POFUT1: variants seen among roughly 807,000 people sequenced by gnomAD.
The protein encoded by POFUT1 is GDP-fucose protein O-fucosyltransferase 1.
In POFUT1, 16 loss-of-function variants were observed where a neutral mutation model predicts 42.4. The ratio of observed to expected loss-of-function variants is 0.38; its 90% CI spans 0.26 to 0.57. The LOEUF is 0.57. POFUT1 is among the 20% of genes least tolerant of loss of function. The pLI is 0.71. For missense variants in POFUT1, 470 were observed against 504.6 expected (o/e 0.93, Z 0.66); for synonymous variants, 206 against 205.4 (o/e 1.00, Z -0.03).
At chr20:32,225,087 A>G (rs1389884209) in intron 4 of POFUT1, among the ~76,000 whole-genome samples, 4 of 152,346 alleles carry the variant, frequency 2.6e-5, no homozygotes, top group South Asian at 4.1e-4. Flanking sequence ...CTATAAATGG[A>G]TATATTAATT....
intron 4 of POFUT1, among the ~76,000 whole-genome samples, chr20:32,225,468 T>C (rs1170356950): frequency 1.3e-5 from 2 of 151,572 alleles, no homozygotes; most frequent in Non-Finnish European, 2.9e-5. Flanking sequence ...ATTACAGGCG[T>C]GAGCCACCGC....
intron 1 of POFUT1, 133 bp downstream of exon 1, chr20:32,208,198 C>A: frequency 1.1e-6 from 1 of 902,280 alleles, no homozygotes; most frequent in Non-Finnish European, 1.7e-6. Context: ...GCATGCTCTT[C>A]TCCTCTCTGC....
intron 4 of POFUT1, chr20:32,216,955 A>G: frequency 1.9e-6 from 3 of 1,607,500 alleles, no homozygotes; most frequent in Non-Finnish European, 2.5e-6. Context: ...TTGATAAGGG[A>G]TGTCATAAAA....
At chr20:32,210,287 C>T (rs969355918) in intron 2 of POFUT1, 95 bp downstream of exon 2, 79 of 1,286,988 alleles carry the variant, frequency 6.1e-5, no homozygotes, top group Non-Finnish European at 8.8e-5. Flanking sequence ...TTACCTCCCA[C>T]TCCTCTGAGA....
intron 4 of POFUT1, chr20:32,217,087 A>G: frequency 6.2e-7 from 1 of 1,610,742 alleles, no homozygotes; most frequent in Non-Finnish European, 8.5e-7. Flanking sequence ...CTTCAGGTGC[A>G]GACCGAGAAA....
intron 2 of POFUT1, among the ~76,000 whole-genome samples, chr20:32,212,005 C>T (rs1374337771): frequency 6.6e-6 from 1 of 152,172 alleles, no homozygotes; most frequent in Non-Finnish European, 1.5e-5. Context: ...CAGATGTTAT[C>T]TAGATTCTGT....
chr20:32,224,032 A>G (rs887272929), intron 4 of POFUT1, among the ~76,000 whole-genome samples: 3 of 152,182 alleles, frequency 2.0e-5, no homozygotes, highest in Non-Finnish European at 4.4e-5. Context: ...TACACAAACA[A>G]TTGGAGCATT....
At chr20:32,208,100 A>G in intron 1 of POFUT1, 35 bp downstream of exon 1, 1 of 1,531,564 alleles carries the variant, frequency 6.5e-7, no homozygotes, top group Non-Finnish European at 8.7e-7. Context: ...CAGATGGAGA[A>G]ACTGAGGCCG....
In POFUT1 at chr20:32,231,057, G is replaced by T; in HGVS notation, c.974G>T (p.Gly325Val). ...CCTGAGCTCCAACAGCTCTTCAAAG[G>T]GAAGGTATGTGTGGGCCAAGTGGGA... ...YVPELQQLFK[G>V]KVKVVSLKPE... Residue 325 changes from glycine to valine, a missense_variant, in exon 6 of 7, where the codon GGG becomes GTG. Gly to Val is a moderately radical substitution (Grantham distance 109, BLOSUM62 -3). Transcript: ENST00000375749. The T allele has an allele frequency of 6.2e-7, 1 of 1,614,172 alleles. No individual in the cohort carries two copies. Among genetic ancestry groups the T allele is most frequent in the Non-Finnish European group, 8.5e-7 (1 of 1,180,040 alleles).
At chr20:32,227,925 A>C (rs1440410000) in intron 4 of POFUT1, among the ~76,000 whole-genome samples, 1 of 152,120 alleles carries the variant, frequency 6.6e-6, no homozygotes, top group East Asian at 1.9e-4. Context: ...TGGTCCAGAC[A>C]CCCCACCCTG....
At chr20:32,226,754 A>G (rs1458298446) in intron 4 of POFUT1, among the ~76,000 whole-genome samples, 1 of 152,146 alleles carries the variant, frequency 6.6e-6, no homozygotes, top group African/African-American at 2.4e-5. Flanking sequence ...ACATCATCCA[A>G]ATTGTTGCCT....
At chr20:32,214,860 G>A (rs2047350244) in intron 2 of POFUT1, among the ~76,000 whole-genome samples, 1 of 152,078 alleles carries the variant, frequency 6.6e-6, no homozygotes, top group Admixed American at 6.6e-5. Flanking sequence ...TAATTGTCAT[G>A]TAGTCTGAAC....
At chr20:32,234,058 C>T (rs1027433204) in intron 6 of POFUT1, among the ~76,000 whole-genome samples, 1 of 152,218 alleles carries the variant, frequency 6.6e-6, no homozygotes, top group Admixed American at 6.5e-5. Flanking sequence ...GTGGTGCACA[C>T]TTGTAGTCCC....
At position 32,237,818 on chromosome 20, in the gene POFUT1, C is replaced by T. The variant is rs369204612; in HGVS notation, c.*3157C>T. 1.2e-4 allele frequency: 63 copies of T among 534,582 alleles called. 1 individual carries two copies. The highest frequency in any genetic ancestry group is 1.2e-3 in the African/African-American group (61 of 52,060). 33.1% of individuals were successfully genotyped at this position (534,582 alleles called of 1,614,324 possible). On this transcript the variant is annotated 3_prime_UTR_variant, in exon 7 of 7. Coordinates refer to ENST00000375749, the MANE Select transcript of POFUT1 (RefSeq NM_015352.2). ...CGAGAGACTGGGGTGCTGGGCTCCC[C>T]TAGACTAGGACTCCAGTGCCCTCCT... is the stretch of plus-strand genomic sequence containing the variant.
At chr20:32,211,184 C>T (rs1472743601) in intron 2 of POFUT1, among the ~76,000 whole-genome samples, 1 of 152,200 alleles carries the variant, frequency 6.6e-6, no homozygotes, top group East Asian at 1.9e-4. Context: ...TCATATGCCG[C>T]CTCCCTCTTA....
intron 4 of POFUT1, among the ~76,000 whole-genome samples, chr20:32,219,197 A>G (rs1278080542): frequency 6.6e-6 from 1 of 152,232 alleles, no homozygotes; most frequent in Non-Finnish European, 1.5e-5. Context: ...CTAACAGGGG[A>G]GATAGTGAAT....
At chr20:32,219,685 G>A (rs1228339295) in intron 4 of POFUT1, among the ~76,000 whole-genome samples, 50 of 151,728 alleles carry the variant, frequency 3.3e-4, no homozygotes, top group Admixed American at 2.9e-3. Context: ...TTTTAGTAGA[G>A]ACGGGGTTTC....
At chr20:32,225,770 G>C (rs979270773) in intron 4 of POFUT1, among the ~76,000 whole-genome samples, 2 of 152,058 alleles carry the variant, frequency 1.3e-5, no homozygotes, top group East Asian at 3.9e-4. Flanking sequence ...GATTACAGAA[G>C]TGGCCACCAC....
intron 5 of POFUT1, 47 bp downstream of exon 5, chr20:32,228,502 G>C (rs1393252317): frequency 6.4e-7 from 1 of 1,555,754 alleles, no homozygotes; most frequent in African/African-American, 1.4e-5. Context: ...ATGTGTCCCT[G>C]AGCATGGCCC....
Sources: gnomAD v4.1 joint callset for allele counts (sites outside exome capture counted in the v4.1 genomes callset) on GRCh38, gnomAD v4.1.1 for gene constraint, MANE v1.5 for transcripts, NCBI Gene and HGNC (gene_info 2026-07-23, HGNC 2026-07-21) for gene names.